Variants in HIPK2 observed in about 807,000 individuals in gnomAD.
The protein encoded by HIPK2 is homeodomain interacting protein kinase 2.
In HIPK2, 27 loss-of-function variants were observed where a neutral mutation model predicts 113.7. That is an observed-to-expected ratio of 0.24 (90% CI 0.17 to 0.33). HIPK2 has a LOEUF of 0.33. HIPK2 is among the 10% of genes least tolerant of loss of function. The pLI, the probability that HIPK2 is intolerant of heterozygous loss-of-function variation, is 1.00. For missense variants in HIPK2, 1,257 were observed against 1,588.0 expected, an observed-to-expected ratio of 0.79 and a Z score of 3.54; for synonymous variants, 631 against 642.2, an observed-to-expected ratio of 0.98 and a Z score of 0.26.
At chr7:139,729,102 C>T (rs1270578553) in intron 1 of HIPK2, among the ~76,000 whole-genome samples, 2 of 152,056 alleles carry the variant, frequency 1.3e-5, no homozygotes, top group Non-Finnish European at 2.9e-5. Flanking sequence ...GATGGGTGGA[C>T]TGCTTGAGCC....
intron 1 of HIPK2, among the ~76,000 whole-genome samples, chr7:139,721,268 T>A (rs988296813): frequency 1.3e-5 from 2 of 152,270 alleles, no homozygotes; most frequent in East Asian, 3.8e-4. Context: ...AATACTTTTT[T>A]AAATCCCTGA....
intron 2 of HIPK2, among the ~76,000 whole-genome samples, chr7:139,649,083 C>CCA (rs34496225): frequency 0.41 from 62,770 of 151,916 alleles, 14,516 homozygotes; most frequent in Admixed American, 0.53. Context: ...ACAATGCAGG[C>CCA]CATCTATCAT....
chr7:139,573,311 G>T lies in HIPK2; in HGVS notation c.3213C>A (p.Tyr1071Ter). ...YITPTMAQAP[Y>*]SFPHNSPSHG... The stretch of plus-strand genomic sequence containing the variant: ...GGCTGGGGCTGTTGTGCGGGAAGGA[G>T]TACGGAGCCTGGGCCATGGTGGGAG... The change falls in exon 15 of 15, where the codon TAC (tyrosine) becomes TAA (stop). Residue 1071 changes from tyrosine to a stop codon, truncating the protein, a stop_gained. Coordinates refer to ENST00000406875, the MANE Select transcript of HIPK2 (RefSeq NM_022740.5). LOFTEE classifies it high-confidence loss of function. 1 of 1,605,454 alleles carries T rather than the reference G, an allele frequency of 6.2e-7. No individual in the cohort carries two copies.
chr7:139,699,987 C>T (rs995400237), intron 2 of HIPK2, among the ~76,000 whole-genome samples: 2 of 152,194 alleles, frequency 1.3e-5, no homozygotes, highest in Non-Finnish European at 2.9e-5. Flanking sequence ...GTGTCAGCAT[C>T]ATCATTGCCT....
chr7:139,762,668 G>A (rs748691093), intron 1 of HIPK2, among the ~76,000 whole-genome samples: 24 of 152,154 alleles, frequency 1.6e-4, no homozygotes, highest in Admixed American at 7.9e-4. Flanking sequence ...CAATTTCCTC[G>A]ATTGCAGTTT....
rs1223785788 is a variant in HIPK2 at position 139,565,014 on chromosome 7, G to C, written c.*7913C>G. On this transcript the variant is annotated 3_prime_UTR_variant, in exon 15 of 15. Coordinates refer to ENST00000406875, the MANE Select transcript of HIPK2 (RefSeq NM_022740.5). ...TGAGCTATTTTCAGAATTCACTTAA[G>C]CAACGATGACCGGGGGTATGAAGTA... 1.3e-5 allele frequency: 2 copies of C among 152,066 alleles called. No homozygotes were observed. The highest frequency in any genetic ancestry group is 4.8e-5 in the African/African-American group (2 of 41,392). 9.4% of individuals were successfully genotyped at this position (152,066 alleles called of 1,614,324 possible).
intron 1 of HIPK2, among the ~76,000 whole-genome samples, chr7:139,754,518 A>C (rs1796333464): frequency 6.6e-6 from 1 of 152,222 alleles, no homozygotes; most frequent in African/African-American, 2.4e-5. Flanking sequence ...ATATAGATAC[A>C]TGTACATGTA....
intron 2 of HIPK2, among the ~76,000 whole-genome samples, chr7:139,713,914 G>A (rs113354490): frequency 7.2e-5 from 11 of 152,168 alleles, no homozygotes; most frequent in African/African-American, 2.2e-4. Context: ...TGTCGGTACC[G>A]GGCACCCAAC....
chr7:139,649,022 A>G (rs111880706), intron 2 of HIPK2, among the ~76,000 whole-genome samples: 3,041 of 152,196 alleles, frequency 0.02, 100 homozygotes, highest in African/African-American at 0.069. Context: ...AGGCAGCACC[A>G]TATTTCCTCT....
In HIPK2 at chr7:139,600,454, A is replaced by C; in HGVS notation, c.2398T>G (p.Ser800Ala). 1 of 1,613,702 alleles carries C rather than the reference A, an allele frequency of 6.2e-7. No individual in the cohort carries two copies. The highest frequency in any genetic ancestry group is 1.7e-5 in the Admixed American group (1 of 60,006). ...TGGTGCTGCTTACTCTTCCGGGAGG[A>C]GGTGGTGCTGGTTGGCTGCTGCCGC... ...VMRQQPTSTT[S>A]SRKSKQHQSS... Residue 800 changes from serine (S) to alanine (A), a missense_variant, in exon 11 of 15, where the codon TCC (serine) becomes GCC (alanine). By Grantham distance (99) the Ser-to-Ala change is moderately conservative (BLOSUM62 1). This residue lies in a region of HIPK2 where 862 missense variants were observed against 1,004.3 expected (regional missense o/e 0.86). Transcript: ENST00000406875.
chr7:139,581,888 A>G (rs1434592935), intron 13 of HIPK2, among the ~76,000 whole-genome samples: 1 of 152,262 alleles, frequency 6.6e-6, no homozygotes, highest in Non-Finnish European at 1.5e-5. Flanking sequence ...GCACAAACAT[A>G]TATTTAAGGA....
intron 1 of HIPK2, among the ~76,000 whole-genome samples, chr7:139,761,140 C>G (rs1196540356): frequency 6.6e-6 from 1 of 152,210 alleles, no homozygotes; most frequent in East Asian, 1.9e-4. Context: ...AGCACAGATC[C>G]TGCCTTTCCA....
rs558648945 is a variant in HIPK2 at position 139,607,232 on chromosome 7, G to A, written c.2113-3009C>T. On this transcript the variant is annotated intron_variant, in intron 9 of 14. Transcript: ENST00000406875. ...GAGGGGAAAAAAAGATAAGAAAATCGGAAGATCAATTTAGAAGTACCAACA... is the reference window on the plus strand; with the variant it reads ...GAGGGGAAAAAAAGATAAGAAAATCAGAAGATCAATTTAGAAGTACCAACA... Among the ~76,000 whole-genome samples the A allele has an allele frequency of 1.2e-3, 187 of 151,914 alleles. 1 individual carries two copies. Among genetic ancestry groups the A allele is most frequent in the Non-Finnish European group, 1.5e-3 (104 of 67,958 alleles).
intron 2 of HIPK2, among the ~76,000 whole-genome samples, chr7:139,643,051 A>G (rs1801083697): frequency 6.6e-6 from 1 of 152,150 alleles, no homozygotes; most frequent in Non-Finnish European, 1.5e-5. Context: ...TTTCTACCTA[A>G]GGGGCCGCTA....
In HIPK2 at chr7:139,588,325, C is replaced by T. The variant is rs148300375; in HGVS notation, c.2718-4261G>A. ...AGAGTGAGACTCTGCCCCCACACCG[C>T]GCTGGCCCCCTGCTGAAAAAAAAAA... On this transcript the variant is annotated intron_variant, in intron 12 of 14. Coordinates refer to ENST00000406875, the MANE Select transcript of HIPK2 (RefSeq NM_022740.5). Among the ~76,000 whole-genome samples, 332 of 150,158 alleles carry T rather than the reference C, an allele frequency of 2.2e-3. 3 individuals are homozygous for T. The highest frequency in any genetic ancestry group is 7.8e-3 in the African/African-American group (316 of 40,684).
chr7:139,662,617 CTT>C (rs373566905), intron 2 of HIPK2, among the ~76,000 whole-genome samples: 19,195 of 133,078 alleles, frequency 0.14, 1,300 homozygotes, highest in East Asian at 0.36. Context: ...TAAAACACCA[CTT>C]TTTTTTTTTT....
intron 12 of HIPK2, among the ~76,000 whole-genome samples, chr7:139,585,462 G>A (rs1187558534): frequency 1.3e-5 from 2 of 152,232 alleles, no homozygotes; most frequent in Admixed American, 6.5e-5. Flanking sequence ...TTCTTCCAGT[G>A]GCTGGACACT....
At chr7:139,752,838 C>T (rs1402917946) in intron 1 of HIPK2, among the ~76,000 whole-genome samples, 3 of 152,110 alleles carry the variant, frequency 2.0e-5, no homozygotes, top group African/African-American at 7.2e-5. Context: ...TTTCCAGGCT[C>T]AAAATTCCTG....
At position 139,631,325 on chromosome 7, in the gene HIPK2, C is replaced by T. The variant is rs146206225; in HGVS notation, c.1228-41G>A. On this transcript the variant is annotated intron_variant, in intron 3 of 14. Transcript: ENST00000406875. This position sits in a 1 kb window ranked among gnomAD's most constrained non-coding sequence, Gnocchi z 4.9. The stretch of plus-strand genomic sequence containing the variant: ...AGAATGAGGTCAGGGCTTTTCCTGT[C>T]ACTATACATATGGTATACTAATGGC... The T allele has an allele frequency of 4.4e-5, 70 of 1,577,430 alleles. No homozygotes were observed. In the African/African-American group the frequency reaches 8.9e-4, roughly 20 times the overall value.
Sources: gnomAD v4.1 joint callset for allele counts (sites outside exome capture counted in the v4.1 genomes callset) on GRCh38, gnomAD v4.1.1 for gene constraint, gnomAD v4.1.1 regional missense constraint, Gnocchi (gnomAD v3.1) non-coding constraint, MANE v1.5 for transcripts, NCBI Gene and HGNC (gene_info 2026-07-23, HGNC 2026-07-21) for gene names.